RASAL2: variants seen among roughly 807,000 people sequenced by gnomAD.
RASAL2 encodes RAS protein activator like 2, also known as ras GTPase-activating protein nGAP.
Under a neutral mutation model 128.9 loss-of-function variants are expected in RASAL2, and 58 were observed. The ratio of observed to expected loss-of-function variants is 0.45; its 90% CI spans 0.36 to 0.56. The LOEUF (loss-of-function observed/expected upper bound fraction) is 0.56, where lower values mean the gene tolerates loss of function less well. RASAL2 is among the 20% of genes least tolerant of loss of function. The pLI is 0.00. For synonymous variants in RASAL2, 561 were observed against 580.8 expected (o/e 0.97, Z 0.49); for missense variants, 1,360 against 1,601.6 (o/e 0.85, Z 2.57).
intron 1 of RASAL2, among the ~76,000 whole-genome samples, chr1:178,117,408 T>C (rs1338530667): frequency 6.6e-6 from 1 of 152,220 alleles, no homozygotes; most frequent in Non-Finnish European, 1.5e-5. Context: ...TAAAGATGCA[T>C]TTTGAAATAG....
chr1:178,247,603 T>C (rs183205219), intron 1 of RASAL2, among the ~76,000 whole-genome samples: 1 of 152,202 alleles, frequency 6.6e-6, no homozygotes, highest in Admixed American at 6.5e-5. Flanking sequence ...TTTATTGCCT[T>C]CTGCTGGCTT....
intron 1 of RASAL2, among the ~76,000 whole-genome samples, chr1:178,195,245 A>G (rs1662621309): frequency 1.3e-5 from 2 of 152,244 alleles, no homozygotes; most frequent in Admixed American, 1.3e-4. Context: ...TCTAGCATAC[A>G]ATCTAGATTA....
At chr1:178,397,125 G>T (rs185597153) in intron 4 of RASAL2, among the ~76,000 whole-genome samples, 1 of 152,180 alleles carries the variant, frequency 6.6e-6, no homozygotes, top group Non-Finnish European at 1.5e-5. Flanking sequence ...CTACTTTTAG[G>T]AATATACACA....
chr1:178,440,436 T>A (rs1042840367), intron 6 of RASAL2, among the ~76,000 whole-genome samples: 16 of 152,184 alleles, frequency 1.1e-4, no homozygotes, highest in South Asian at 6.2e-4. Context: ...CCTTTTTTTT[T>A]AAAACTAAGT....
intron 3 of RASAL2, among the ~76,000 whole-genome samples, chr1:178,374,090 A>C (rs978959783): frequency 1.3e-5 from 2 of 152,226 alleles, no homozygotes; most frequent in African/African-American, 4.8e-5. Flanking sequence ...AAAGTCAGCA[A>C]ATCTTATTTT....
rs1661879550 is a variant in RASAL2, at chr1:178,176,031, CTT to C, written c.202+81340_202+81341del. On this transcript the variant is annotated intron_variant, in intron 1 of 17. Coordinates refer to ENST00000367649, the MANE Select transcript of RASAL2 (RefSeq NM_170692.4). ...ACAATAAACATACATATACAGGTGT[CTT>C]TTGATGTAATGACTTCCTTTCCTTT... Among the ~76,000 whole-genome samples the C allele has an allele frequency of 2.0e-5, 3 of 152,260 alleles. No homozygotes were observed. The South Asian group carries it at 6.2e-4, about 32-fold the overall frequency.
At chr1:178,379,665 T>G (rs1236851474) in intron 3 of RASAL2, among the ~76,000 whole-genome samples, 1 of 152,214 alleles carries the variant, frequency 6.6e-6, no homozygotes, top group Non-Finnish European at 1.5e-5. Context: ...TGAATCCATA[T>G]TGAGTCTCAC....
Position 178,231,997 on chromosome 1 carries a change from G to A in RASAL2, c.203-51567G>A, listed in dbSNP as rs550118854. Among the ~76,000 whole-genome samples the A allele has an allele frequency of 1.1e-4, 17 of 152,226 alleles. No individual in the cohort carries two copies. The South Asian group carries it at 1.9e-3, about 17-fold the overall frequency. On this transcript the variant is annotated intron_variant, in intron 1 of 17. Transcript: ENST00000367649. The stretch of plus-strand genomic sequence containing the variant: ...TAAAGGAATAGGTATGTTGGTTTTC[G>A]TTACGATTTCGACCATAATAAGAAA...
rs3042589 is a variant in RASAL2, at chr1:178,438,881, C to CTGTGTGTGTGTGTG, written c.675-503_675-490dup. On this transcript the variant is annotated intron_variant, in intron 5 of 17. Coordinates refer to ENST00000367649, the MANE Select transcript of RASAL2 (RefSeq NM_170692.4). ...TGTGATAAAAAGTTGAGCTTCGACT[C>CTGTGTGTGTGTGTG]TGTGTGTGTGTGTGTGTGTGTGTGT... Among the ~76,000 whole-genome samples, 483 of 129,440 alleles carry CTGTGTGTGTGTGTG rather than the reference C, an allele frequency of 3.7e-3. 3 individuals carry two copies. Among genetic ancestry groups the CTGTGTGTGTGTGTG allele is most frequent in the East Asian group, 9.4e-3 (35 of 3,742 alleles). The allele number at this position is 129,440 out of a possible 152,430, so 84.9% of individuals were successfully genotyped here. A position where few individuals can be genotyped will look rare whatever the true frequency, so the allele number is the denominator to read the frequency against.
intron 1 of RASAL2, among the ~76,000 whole-genome samples, chr1:178,133,308 A>G (rs1291375088): frequency 1.3e-5 from 2 of 152,140 alleles, no homozygotes; most frequent in Non-Finnish European, 1.5e-5. Flanking sequence ...ATGGCATGAA[A>G]CAAAAAGCCT....
intron 3 of RASAL2, among the ~76,000 whole-genome samples, chr1:178,343,351 C>A (rs1313227793): frequency 6.6e-6 from 1 of 152,152 alleles, no homozygotes; most frequent in African/African-American, 2.4e-5. Flanking sequence ...ACTGGAGAAT[C>A]CATTATTTAA....
At chr1:178,349,318 G>A (rs1408951514) in intron 3 of RASAL2, among the ~76,000 whole-genome samples, 5 of 150,702 alleles carry the variant, frequency 3.3e-5, no homozygotes, top group African/African-American at 4.9e-5. Context: ...CCAGCTACTC[G>A]GGAGGCTGAG....
At chr1:178,379,413 G>A (rs1672157637) in intron 3 of RASAL2, among the ~76,000 whole-genome samples, 1 of 151,702 alleles carries the variant, frequency 6.6e-6, no homozygotes, top group South Asian at 2.1e-4. Flanking sequence ...GGGGAGGGGA[G>A]GGGAGGGAAG....
Position 178,322,327 on chromosome 1 carries a change from T to A in RASAL2, c.457+22209T>A, listed in dbSNP as rs1420715238. Among the ~76,000 whole-genome samples the A allele has an allele frequency of 8.5e-5, 13 of 152,234 alleles. No individual in the cohort carries two copies. In the East Asian group the frequency reaches 2.5e-3, roughly 29 times the overall value. ...GTCTAAAGGTCTTATCCTTACCCTTTTTCTTTTGCTTTGTCCTTTCTCAGT... is the reference window on the plus strand; with the variant it reads ...GTCTAAAGGTCTTATCCTTACCCTTATTCTTTTGCTTTGTCCTTTCTCAGT... On this transcript the variant is annotated intron_variant, in intron 3 of 17. Transcript: ENST00000367649.
intron 1 of RASAL2, among the ~76,000 whole-genome samples, chr1:178,187,285 T>C (rs1431892784): frequency 6.6e-6 from 1 of 152,210 alleles, no homozygotes; most frequent in Non-Finnish European, 1.5e-5. Flanking sequence ...TATTGTTCAC[T>C]GATATTTTCT....
rs1676776337 is a variant in RASAL2, at chr1:178,443,039, C to T, written c.1292C>T (p.Ser431Phe). The change falls in exon 8 of 18, where the codon TCT (serine) becomes TTT (phenylalanine). Residue 431 changes from serine (S) to phenylalanine (F), a missense_variant. Physicochemically the swap from Ser to Phe is radical, Grantham distance 155. Coordinates refer to ENST00000367649, the MANE Select transcript of RASAL2 (RefSeq NM_170692.4). ...TPNKGKTGGP[S>F]IRIKSRFQTI... is the part of the protein sequence containing the mutation. ...AACAAAGGAAAGACAGGAGGACCTTCTATTCGGATTAAATCACGTTTCCAA... is the reference window on the plus strand; with the variant it reads ...AACAAAGGAAAGACAGGAGGACCTTTTATTCGGATTAAATCACGTTTCCAA... 1 of 1,613,964 alleles carries T rather than the reference C, an allele frequency of 6.2e-7. No individual in the cohort carries two copies. Among genetic ancestry groups the T allele is most frequent in the Non-Finnish European group, 8.5e-7 (1 of 1,179,994 alleles).
At chr1:178,408,266 A>T (rs1237691083) in intron 4 of RASAL2, among the ~76,000 whole-genome samples, 5 of 152,212 alleles carry the variant, frequency 3.3e-5, no homozygotes, top group Non-Finnish European at 5.9e-5. Context: ...GGATGAAATC[A>T]GTTTATTTAC....
chr1:178,314,036 C>G (rs1340466673), intron 3 of RASAL2, among the ~76,000 whole-genome samples: 1 of 152,146 alleles, frequency 6.6e-6, no homozygotes, highest in Non-Finnish European at 1.5e-5. Context: ...TGCTAAAGAA[C>G]AAGTTTTCTG....
chr1:178,096,641 C>T (rs1461439757), intron 1 of RASAL2, among the ~76,000 whole-genome samples: 1 of 151,968 alleles, frequency 6.6e-6, no homozygotes, highest in Non-Finnish European at 1.5e-5. Context: ...TCAGACATCA[C>T]AGAAATGCAT....
Sources: allele counts gnomAD v4.1 joint callset (sites outside exome capture counted in the v4.1 genomes callset), GRCh38; gene constraint gnomAD v4.1.1; transcripts MANE v1.5; gene names NCBI Gene and HGNC (gene_info 2026-07-23, HGNC 2026-07-21).